Variants in ANKS1B observed in about 807,000 individuals in gnomAD.
ANKS1B encodes ankyrin repeat and sterile alpha motif domain-containing protein 1B.
A neutral mutation model predicts 148.3 loss-of-function variants in ANKS1B; 36 were observed. That is an observed-to-expected ratio of 0.24 (90% CI 0.19 to 0.32). The LOEUF is 0.32. ANKS1B is among the 10% of genes least tolerant of loss of function. The probability of loss-of-function intolerance (pLI) is 1.00; values close to 1 mark genes in which losing one functional copy is unlikely to be tolerated. For synonymous variants in ANKS1B, 542 were observed against 560.8 expected (o/e 0.97, Z 0.47); for missense variants, 1,157 against 1,542.6 (o/e 0.75, Z 4.19).
At chr12:99,853,639 T>A (rs1409532410) in intron 1 of ANKS1B, among the ~76,000 whole-genome samples, 1 of 152,052 alleles carries the variant, frequency 6.6e-6, no homozygotes, top group African/African-American at 2.4e-5. Context: ...AGAAAAACAA[T>A]CCTGGTAATA....
chr12:98,973,684 G>T (rs1201299043), intron 17 of ANKS1B, among the ~76,000 whole-genome samples: 1 of 151,980 alleles, frequency 6.6e-6, no homozygotes, highest in African/African-American at 2.4e-5. Flanking sequence ...TGGACACAAG[G>T]TATTACCGTG....
At chr12:99,134,491 A>G (rs921962703) in intron 15 of ANKS1B, among the ~76,000 whole-genome samples, 2 of 151,990 alleles carry the variant, frequency 1.3e-5, no homozygotes, top group African/African-American at 4.8e-5. Flanking sequence ...ATGGAGGAGG[A>G]GATAGAGAAG....
At chr12:99,836,624 T>C (rs1156566611) in intron 1 of ANKS1B, among the ~76,000 whole-genome samples, 1 of 152,090 alleles carries the variant, frequency 6.6e-6, no homozygotes, top group Non-Finnish European at 1.5e-5. Context: ...TTTTAGAATA[T>C]GAAAAGAATT....
At chr12:99,312,579 T>C (rs987598864) in intron 12 of ANKS1B, among the ~76,000 whole-genome samples, 2 of 152,134 alleles carry the variant, frequency 1.3e-5, no homozygotes, top group African/African-American at 4.8e-5. Flanking sequence ...CCAAGCAGCT[T>C]TCCTATCTTG....
Position 99,223,267 on chromosome 12 carries a change from G to C in ANKS1B, c.2419+21075C>G, listed in dbSNP as rs116009508. Among the ~76,000 whole-genome samples, 760 of 152,288 alleles carry C rather than the reference G, an allele frequency of 5.0e-3. 8 individuals carry two copies. Among genetic ancestry groups the C allele is most frequent in the African/African-American group, 0.018 (743 of 41,552 alleles). ...CCCAGTCTTTTTGGCATCAGGGACC[G>C]GTGTTATGGAAGACAATTTTTCCAT... On this transcript the variant is annotated intron_variant, in intron 14 of 26. Coordinates refer to ENST00000683438, the MANE Select transcript of ANKS1B (RefSeq NM_001352186.2).
chr12:99,091,901 T>C (rs954570361), intron 15 of ANKS1B, among the ~76,000 whole-genome samples: 1 of 152,148 alleles, frequency 6.6e-6, no homozygotes, highest in Non-Finnish European at 1.5e-5. Context: ...GATAAAAGGT[T>C]GAGTTAAAAA....
At chr12:99,660,893 A>G (rs907301907) in intron 8 of ANKS1B, among the ~76,000 whole-genome samples, 3 of 152,092 alleles carry the variant, frequency 2.0e-5, no homozygotes, top group African/African-American at 7.2e-5. Context: ...GGTCTCACTA[A>G]CAGCTGAACA....
intron 8 of ANKS1B, among the ~76,000 whole-genome samples, chr12:99,701,419 T>C (rs1374424612): frequency 1.3e-5 from 2 of 152,092 alleles, no homozygotes; most frequent in Non-Finnish European, 2.9e-5. Flanking sequence ...ACATAGTAGG[T>C]GTATATATTT....
intron 1 of ANKS1B, among the ~76,000 whole-genome samples, chr12:99,894,299 G>GGGAGGGAGGGAC (rs1491103362): frequency 2.1e-3 from 109 of 53,114 alleles, no homozygotes; most frequent in African/African-American, 6.6e-3. Flanking sequence ...AAGGGAGGGA[G>GGGAGGGAGGGAC]GGAGGGAGGG....
intron 14 of ANKS1B, among the ~76,000 whole-genome samples, chr12:99,243,985 T>C (rs1473668358): frequency 6.6e-6 from 1 of 152,086 alleles, no homozygotes; most frequent in African/African-American, 2.4e-5. Flanking sequence ...AACCTGCACA[T>C]TGTGCACATG....
chr12:99,239,778 A>C (rs1047878708), intron 14 of ANKS1B, among the ~76,000 whole-genome samples: 2 of 152,220 alleles, frequency 1.3e-5, no homozygotes, highest in African/African-American at 4.8e-5. Flanking sequence ...TTCTTAAAGA[A>C]AAGAATTTTC....
chr12:99,073,042 T>C (rs1170821064), intron 16 of ANKS1B, among the ~76,000 whole-genome samples: 2 of 152,256 alleles, frequency 1.3e-5, no homozygotes, highest in Admixed American at 1.3e-4. Context: ...ACCTTTTTTC[T>C]TGGTTCAGCT....
intron 12 of ANKS1B, among the ~76,000 whole-genome samples, chr12:99,365,173 T>A (rs762942685): frequency 4.6e-5 from 7 of 152,098 alleles, no homozygotes; most frequent in Non-Finnish European, 1.0e-4. Context: ...TGAGGATACC[T>A]CCTGCAGCTC....
chr12:99,665,190 A>C (rs1282099895), intron 8 of ANKS1B, among the ~76,000 whole-genome samples: 1 of 152,180 alleles, frequency 6.6e-6, no homozygotes. Context: ...AAACTGCTAA[A>C]GTGTTTTCCA....
chr12:99,444,955 T>C (rs534307748), intron 10 of ANKS1B, among the ~76,000 whole-genome samples: 146 of 151,826 alleles, frequency 9.6e-4, no homozygotes, highest in Non-Finnish European at 1.8e-3. Flanking sequence ...ACCTACCATA[T>C]AAAAATATAA....
chr12:99,814,837 T>A (rs147077269), intron 2 of ANKS1B, among the ~76,000 whole-genome samples: 2 of 151,928 alleles, frequency 1.3e-5, no homozygotes, highest in East Asian at 3.9e-4. Context: ...TCAAGGCAGA[T>A]TGTTGCAATG....
At position 98,763,608 on chromosome 12, in the gene ANKS1B, G is replaced by T. The variant is rs563967024; in HGVS notation, c.3579+9434C>A. On this transcript the variant is annotated intron_variant, in intron 25 of 26. Transcript: ENST00000683438. The stretch of plus-strand genomic sequence containing the variant: ...TTCAGCTGTGAAATTCCACTGTTGG[G>T]ATATGGCTACTGCTAACATCTTGGT... 1.6e-3 allele frequency among the ~76,000 whole-genome samples: 238 copies of T among 152,262 alleles called. 1 individual carries two copies. Among genetic ancestry groups the T allele is most frequent in the African/African-American group, 5.3e-3 (221 of 41,540 alleles).
chr12:99,691,525 G>C (rs1250366620), intron 8 of ANKS1B, among the ~76,000 whole-genome samples: 1 of 152,186 alleles, frequency 6.6e-6, no homozygotes, highest in African/African-American at 2.4e-5. Context: ...TAGGGCAGGA[G>C]CAAAATGCTG....
At chr12:98,778,886 C>T (rs183520573) in intron 24 of ANKS1B, among the ~76,000 whole-genome samples, 33 of 152,346 alleles carry the variant, frequency 2.2e-4, no homozygotes, top group Admixed American at 2.0e-3. Context: ...CCCACACTCT[C>T]CCTACCCACT....
Sources: gnomAD v4.1 joint callset for allele counts (sites outside exome capture counted in the v4.1 genomes callset) on GRCh38, gnomAD v4.1.1 for gene constraint, MANE v1.5 for transcripts, NCBI Gene and HGNC (gene_info 2026-07-23, HGNC 2026-07-21) for gene names.